ZSCAN25: variants seen among roughly 807,000 people sequenced by gnomAD.
The protein encoded by ZSCAN25 is zinc finger and SCAN domain containing 25, also known as zinc finger and SCAN domain-containing protein 25.
Under a neutral mutation model 38.7 loss-of-function variants are expected in ZSCAN25, and 27 were observed. The ratio of observed to expected loss-of-function variants is 0.70; its 90% CI spans 0.51 to 0.96. The LOEUF is 0.96. ZSCAN25 is among the 40% of genes least tolerant of loss of function. The probability of loss-of-function intolerance (pLI) is 0.00; values close to 1 mark genes in which losing one functional copy is unlikely to be tolerated. For missense variants in ZSCAN25, 637 were observed against 705.9 expected, an observed-to-expected ratio of 0.90 and a Z score of 1.11; for synonymous variants, 273 against 277.7, an observed-to-expected ratio of 0.98 and a Z score of 0.17.
chr7:99,650,265 G>A, the ZSCAN25 span: 1 of 1,600,700 alleles, frequency 6.2e-7, no homozygotes, highest in Admixed American at 1.7e-5. Context: ...AATAGTTAAT[G>A]AAACATAAAA....
chr7:99,655,771 A>C, the ZSCAN25 span, among the ~76,000 whole-genome samples: 2 of 152,032 alleles, frequency 1.3e-5, no homozygotes, highest in African/African-American at 4.8e-5. Flanking sequence ...GTGGTTTGTA[A>C]TTCTCCTTGA....
the ZSCAN25 span, chr7:99,685,231 G>A: frequency 5.3e-5 from 86 of 1,613,540 alleles, no homozygotes; most frequent in Admixed American, 3.0e-4. Context: ...TAATTTCAGC[G>A]GGATCTGCAA....
the ZSCAN25 span, among the ~76,000 whole-genome samples, chr7:99,734,429 G>A: frequency 6.6e-6 from 1 of 152,006 alleles, no homozygotes; most frequent in Non-Finnish European, 1.5e-5. Flanking sequence ...TTGGTAAGCT[G>A]GGTACAAACC....
At chr7:99,707,754 G>T in the ZSCAN25 span, 1 of 1,603,744 alleles carries the variant, frequency 6.2e-7, no homozygotes, top group South Asian at 1.1e-5. Context: ...TAAATATATA[G>T]ACCATTCAGT....
the ZSCAN25 span, chr7:99,658,816 CT>C: frequency 3.3e-5 from 5 of 152,158 alleles, no homozygotes; most frequent in Non-Finnish European, 1.5e-5. Flanking sequence ...TCTCTTCTTT[CT>C]TCATTTCATT....
the ZSCAN25 span, chr7:99,670,914 CTTTTA>C: frequency 1.3e-5 from 2 of 152,102 alleles, no homozygotes; most frequent in African/African-American, 2.4e-5. Flanking sequence ...GTTCTCTTTT[CTTTTA>C]TAATAAAAAA....
At chr7:99,655,821 AT>A in the ZSCAN25 span, among the ~76,000 whole-genome samples, 1 of 152,056 alleles carries the variant, frequency 6.6e-6, no homozygotes, top group Admixed American at 6.5e-5. Flanking sequence ...ATTCCTAGGT[AT>A]TTTATTGTCT....
the ZSCAN25 span, chr7:99,674,617 T>C: frequency 1.3e-6 from 2 of 1,583,804 alleles, no homozygotes; most frequent in Non-Finnish European, 1.7e-6. Flanking sequence ...AAGTTGATTA[T>C]TATTTTAAAT....
the ZSCAN25 span, among the ~76,000 whole-genome samples, chr7:99,666,210 C>G: frequency 2.6e-5 from 4 of 152,246 alleles, no homozygotes; most frequent in East Asian, 3.9e-4. Context: ...TTCCAAGTTC[C>G]CCATTGTAAC....
the ZSCAN25 span, among the ~76,000 whole-genome samples, chr7:99,737,687 A>AT: frequency 6.6e-6 from 1 of 152,174 alleles, no homozygotes; most frequent in Non-Finnish European, 1.5e-5. Flanking sequence ...GGCTAAGATG[A>AT]TTTTTATTCT....
the ZSCAN25 span, among the ~76,000 whole-genome samples, chr7:99,667,799 A>G: frequency 3.3e-5 from 5 of 152,192 alleles, no homozygotes; most frequent in African/African-American, 4.8e-5. Context: ...CCTTCATTTG[A>G]TAAAGACAAT....
At chr7:99,696,606 G>A in the ZSCAN25 span, among the ~76,000 whole-genome samples, 1 of 151,380 alleles carries the variant, frequency 6.6e-6, no homozygotes, top group East Asian at 1.9e-4. Flanking sequence ...CTGAATGACA[G>A]TGTGCAGAAG....
the ZSCAN25 span, among the ~76,000 whole-genome samples, chr7:99,679,077 C>G: frequency 3.4e-4 from 52 of 152,310 alleles, no homozygotes; most frequent in Admixed American, 2.4e-3. Flanking sequence ...CTATATTAAT[C>G]CTAGCCTCCC....
At chr7:99,679,568 C>T in the ZSCAN25 span, among the ~76,000 whole-genome samples, 2 of 152,164 alleles carry the variant, frequency 1.3e-5, no homozygotes, top group Admixed American at 1.3e-4. Context: ...CTAAGCTAAT[C>T]AAATCATTCC....
the ZSCAN25 span, chr7:99,699,888 C>T: frequency 1.1e-6 from 1 of 933,256 alleles, no homozygotes; most frequent in Non-Finnish European, 1.8e-6. Flanking sequence ...ATCTTTAAAA[C>T]AGATGAGGGA....
At chr7:99,685,348 T>TGG in the ZSCAN25 span, 3 of 1,388,472 alleles carry the variant, frequency 2.2e-6, no homozygotes, top group Non-Finnish European at 3.0e-6. Flanking sequence ...TTTGTGACCA[T>TGG]TACAAACTAT....
chr7:99,725,771 C>T, the ZSCAN25 span, among the ~76,000 whole-genome samples: 8,623 of 152,226 alleles, frequency 0.057, 322 homozygotes, highest in Middle Eastern at 0.1. Context: ...GGAAGCCCCC[C>T]GGAGAATCAC....
chr7:99,649,067 C>T, the ZSCAN25 span, among the ~76,000 whole-genome samples: 1 of 152,164 alleles, frequency 6.6e-6, no homozygotes, highest in Non-Finnish European at 1.5e-5. Context: ...AACAGAGTAA[C>T]ATTCTGATCT....
the ZSCAN25 span, among the ~76,000 whole-genome samples, chr7:99,683,287 C>T: frequency 6.6e-6 from 1 of 152,234 alleles, no homozygotes; most frequent in East Asian, 1.9e-4. Context: ...TATTGAAATG[C>T]CATTGTTACC....
Sources: allele counts gnomAD v4.1 joint callset (sites outside exome capture counted in the v4.1 genomes callset), GRCh38; gene constraint gnomAD v4.1.1; transcripts MANE v1.5; gene names NCBI Gene and HGNC (gene_info 2026-07-23, HGNC 2026-07-21).